RXFP1: variants seen among roughly 807,000 people sequenced by gnomAD.
The protein encoded by RXFP1 is relaxin family peptide receptor 1.
Under a neutral mutation model 89.8 loss-of-function variants are expected in RXFP1, and 73 were observed. The observed-to-expected ratio is 0.81, with a 90% CI of 0.67 to 0.99. The LOEUF is 0.99. Ranked by LOEUF, RXFP1 falls within the 50% of genes least tolerant of loss-of-function variation. The probability of loss-of-function intolerance (pLI) is 0.00; values close to 1 mark genes in which losing one functional copy is unlikely to be tolerated. For synonymous variants in RXFP1, 277 were observed against 305.5 expected (o/e 0.91, Z 0.97); for missense variants, 793 against 895.5 (o/e 0.89, Z 1.46).
At chr4:158,561,458 AT>A (rs1752406326) in intron 1 of RXFP1, among the ~76,000 whole-genome samples, 1 of 152,176 alleles carries the variant, frequency 6.6e-6, no homozygotes, top group African/African-American at 2.4e-5. Flanking sequence ...TGTATAAAGT[AT>A]ATATGAAACA....
intron 3 of RXFP1, among the ~76,000 whole-genome samples, chr4:158,597,726 G>A (rs1760911647): frequency 6.6e-6 from 1 of 151,934 alleles, no homozygotes; most frequent in African/African-American, 2.4e-5. Context: ...AACACACTGG[G>A]ATTAACGCTA....
At chr4:158,589,396 T>C (rs980755574) in intron 2 of RXFP1, among the ~76,000 whole-genome samples, 2 of 152,220 alleles carry the variant, frequency 1.3e-5, no homozygotes, top group African/African-American at 2.4e-5. Context: ...TGCAAATTCC[T>C]TGGGTTTCTG....
At chr4:158,649,474 T>C (rs1258964496) in intron 17 of RXFP1, among the ~76,000 whole-genome samples, 5 of 152,112 alleles carry the variant, frequency 3.3e-5, no homozygotes, top group African/African-American at 7.2e-5. Flanking sequence ...TTGGCTGGCA[T>C]GTTGCCTCAC....
At chr4:158,566,607 G>A (rs973979228) in intron 1 of RXFP1, among the ~76,000 whole-genome samples, 1 of 152,086 alleles carries the variant, frequency 6.6e-6, no homozygotes, top group Admixed American at 6.6e-5. Context: ...TCAGATATCT[G>A]CCCACCTCAA....
At chr4:158,570,691 T>A (rs1376035366) in intron 1 of RXFP1, among the ~76,000 whole-genome samples, 1 of 152,120 alleles carries the variant, frequency 6.6e-6, no homozygotes, top group East Asian at 1.9e-4. Context: ...TCCTACCCAA[T>A]GGCACTCCAT....
At chr4:158,647,274 G>C in intron 16 of RXFP1, 73 bp downstream of exon 16, 1 of 1,210,666 alleles carries the variant, frequency 8.3e-7, no homozygotes, top group East Asian at 2.4e-5. Flanking sequence ...TAGTAAGAAT[G>C]AGGGTGAATT....
At chr4:158,540,820 C>A (rs1364405653) in intron 1 of RXFP1, among the ~76,000 whole-genome samples, 2 of 152,072 alleles carry the variant, frequency 1.3e-5, no homozygotes, top group Non-Finnish European at 2.9e-5. Flanking sequence ...GGGGAGCACA[C>A]ACTACGGATG....
intron 1 of RXFP1, among the ~76,000 whole-genome samples, chr4:158,559,872 G>A (rs1752084425): frequency 6.6e-6 from 1 of 152,196 alleles, no homozygotes; most frequent in Non-Finnish European, 1.5e-5. Flanking sequence ...TTAACCTTAG[G>A]TCAGAGAAAC....
chr4:158,587,164 G>A (rs1242847030), intron 2 of RXFP1, among the ~76,000 whole-genome samples: 2 of 152,160 alleles, frequency 1.3e-5, no homozygotes, highest in Admixed American at 6.6e-5. Flanking sequence ...AGAGTGAAGC[G>A]AGGCCCTGGT....
At chr4:158,549,300 A>G (rs1394174794) in intron 1 of RXFP1, among the ~76,000 whole-genome samples, 5 of 152,170 alleles carry the variant, frequency 3.3e-5, no homozygotes, top group African/African-American at 4.8e-5. Context: ...TTTCAGCTCA[A>G]TCAGCTCCTT....
At position 158,647,137 on chromosome 4, in the gene RXFP1, C is replaced by T; in HGVS notation, c.1692C>T (p.Phe564=). The T allele has an allele frequency of 6.2e-7, 1 of 1,613,436 alleles. No homozygotes were observed. The highest frequency in any genetic ancestry group is 8.5e-7 in the Non-Finnish European group (1 of 1,179,766). Residue 564 remains phenylalanine, a synonymous_variant, in exon 16 of 18, where the codon TTC becomes TTT. Transcript: ENST00000307765. ...KNYYGTNGVC[F]PLHSEDTESI... Reference sequence around the variant, plus strand: ...ACTATGGCACCAATGGAGTATGCTTCCCTCTTCATTCAGAAGATACAGAAA... The same window carrying T: ...ACTATGGCACCAATGGAGTATGCTTTCCTCTTCATTCAGAAGATACAGAAA...
chr4:158,612,138 G>A lies in RXFP1; in HGVS notation c.545G>A (p.Ser182Asn). 1.9e-6 allele frequency: 3 copies of A among 1,606,970 alleles called. No homozygotes were observed. The highest frequency in any genetic ancestry group is 2.5e-6 in the Non-Finnish European group (3 of 1,177,364). The part of the protein sequence containing the change: ...GLNSLTKLYL[S>N]HNRITFLKPG... ...TATTTCTCCTTTTCCAGGTATCTCA[G>A]TCATAACAGAATAACCTTCCTGAAG... The change falls in exon 7 of 18, where the codon AGT becomes AAT. Residue 182 changes from serine to asparagine, a missense_variant. Ser to Asn is a conservative substitution (Grantham distance 46, BLOSUM62 1). Coordinates refer to ENST00000307765, the MANE Select transcript of RXFP1 (RefSeq NM_021634.4).
At chr4:158,535,772 G>A (rs780343564) in intron 1 of RXFP1, among the ~76,000 whole-genome samples, 7 of 152,150 alleles carry the variant, frequency 4.6e-5, no homozygotes, top group Non-Finnish European at 8.8e-5. Context: ...TGATAGGACC[G>A]GCCTTTTTGA....
At chr4:158,561,842 G>A (rs1248680268) in intron 1 of RXFP1, among the ~76,000 whole-genome samples, 2 of 151,852 alleles carry the variant, frequency 1.3e-5, no homozygotes, top group South Asian at 2.1e-4. Context: ...TGGCCAGGCT[G>A]GTCTAGAACT....
intron 1 of RXFP1, among the ~76,000 whole-genome samples, chr4:158,546,280 G>T (rs1419028142): frequency 6.6e-6 from 1 of 152,006 alleles, no homozygotes; most frequent in Non-Finnish European, 1.5e-5. Context: ...AGAATGCTTG[G>T]GATTTTCATA....
intron 1 of RXFP1, among the ~76,000 whole-genome samples, chr4:158,555,703 C>T (rs1359540394): frequency 1.3e-5 from 2 of 152,270 alleles, no homozygotes; most frequent in Middle Eastern, 3.4e-3. Context: ...AATTGGCATA[C>T]GTGACTGTTC....
chr4:158,521,890 C>T lies in RXFP1; in HGVS notation c.-87C>T, dbSNP rs1207683164. ...CTGCTAAGATTGCAGACAGAAATAG[C>T]ACACAACCACTGTGAGCTGTATGCG... On this transcript the variant is annotated 5_prime_UTR_variant, in exon 1 of 18. Transcript: ENST00000307765. 1.3e-6 allele frequency: 1 copy of T among 783,192 alleles called. No individual in the cohort carries two copies. Among genetic ancestry groups the T allele is most frequent in the Non-Finnish European group, 2.2e-6 (1 of 464,286 alleles). The allele number at this position is 783,192 out of a possible 1,614,324, so 48.5% of individuals were successfully genotyped here. A position where few individuals can be genotyped will look rare whatever the true frequency, so the allele number is the denominator to read the frequency against.
Position 158,592,753 on chromosome 4 carries a change from G to A in RXFP1, c.188-648G>A, listed in dbSNP as rs765135682. On this transcript the variant is annotated intron_variant, in intron 2 of 17. Coordinates refer to ENST00000307765, the MANE Select transcript of RXFP1 (RefSeq NM_021634.4). ...TGTCTAAAATACTGCTTCTTAAAAC[G>A]TCAAAATATTACTTACTTCAGGAAC... 1.2e-3 allele frequency among the ~76,000 whole-genome samples: 181 copies of A among 151,998 alleles called. 1 individual carries two copies. Among genetic ancestry groups the A allele is most frequent in the Non-Finnish European group, 2.3e-3 (155 of 67,976 alleles).
At chr4:158,582,978 C>G (rs1409556710) in intron 2 of RXFP1, among the ~76,000 whole-genome samples, 9 of 152,118 alleles carry the variant, frequency 5.9e-5, no homozygotes. Flanking sequence ...ATTTGACTAC[C>G]TTATTATCTG....
Sources: gnomAD v4.1 joint callset for allele counts (sites outside exome capture counted in the v4.1 genomes callset) on GRCh38, gnomAD v4.1.1 for gene constraint, MANE v1.5 for transcripts, NCBI Gene and HGNC (gene_info 2026-07-23, HGNC 2026-07-21) for gene names.